ARID4A: variants seen among roughly 807,000 people sequenced by gnomAD.
The protein encoded by ARID4A is AT-rich interactive domain-containing protein 4A.
In ARID4A, 39 loss-of-function variants were observed where a neutral mutation model predicts 148.6. That is an observed-to-expected ratio of 0.26 (90% CI 0.20 to 0.34). The LOEUF is 0.34. Among genes scored for constraint, ARID4A ranks in the 10% least tolerant of loss-of-function variants. ARID4A has a pLI of 1.00. For synonymous variants in ARID4A, 475 were observed against 481.2 expected, an observed-to-expected ratio of 0.99 and a Z score of 0.17; for missense variants, 1,265 against 1,449.1, an observed-to-expected ratio of 0.87 and a Z score of 2.06.
At chr14:58,327,283 G>GCCA (rs2140184969) in intron 8 of ARID4A, among the ~76,000 whole-genome samples, 1 of 152,070 alleles carries the variant, frequency 6.6e-6, no homozygotes, top group African/African-American at 2.4e-5. Flanking sequence ...GAATGGTGCT[G>GCCA]GAATGTAGCA....
chr14:58,350,640 A>G (rs2034594844), intron 15 of ARID4A, among the ~76,000 whole-genome samples: 1 of 152,254 alleles, frequency 6.6e-6, no homozygotes, highest in South Asian at 2.1e-4. Context: ...ATTAGAGACC[A>G]CAGAGCCTTT....
rs532585237 is a variant in ARID4A, at chr14:58,308,027, C to T, written c.274+1915C>T. 2.8e-4 allele frequency among the ~76,000 whole-genome samples: 42 copies of T among 152,016 alleles called. No homozygotes were observed. In the South Asian group the frequency reaches 4.1e-3, roughly 15 times the overall value. On this transcript the variant is annotated intron_variant, in intron 5 of 23. Transcript: ENST00000355431. ...ACTTTGAAGCTTTACTGATAAAATG[C>T]GCATGCTCTATAGAAGGATTACTTT...
chr14:58,368,513 T>G (rs1257579350), intron 23 of ARID4A, among the ~76,000 whole-genome samples: 1 of 149,526 alleles, frequency 6.7e-6, no homozygotes, highest in Non-Finnish European at 1.5e-5. Flanking sequence ...AGCCCCTACA[T>G]AAAGGCAGAA....
chr14:58,337,267 T>TATATATATATATATATATATAA, intron 11 of ARID4A, among the ~76,000 whole-genome samples: 1 of 137,746 alleles, frequency 7.3e-6, no homozygotes, highest in South Asian at 2.3e-4. Flanking sequence ...TATATATATA[T>TATATATATATATATATATATAA]AATTAAAACC....
In ARID4A at chr14:58,373,694, C is replaced by T. The variant is rs1167018860; in HGVS notation, c.*1705C>T. On this transcript the variant is annotated 3_prime_UTR_variant, in exon 24 of 24. Transcript: ENST00000355431. The stretch of plus-strand genomic sequence containing the variant: ...ATCTCAATGTAAAATAAAAATGGAG[C>T]TCAGTGGGCAGTATTAATAAAGGCC... 1 of 173,796 alleles carries T rather than the reference C, an allele frequency of 5.8e-6. No individual in the cohort carries two copies. 10.8% of individuals were successfully genotyped at this position (173,796 alleles called of 1,614,324 possible).
intron 11 of ARID4A, among the ~76,000 whole-genome samples, chr14:58,341,437 C>G (rs2034114558): frequency 6.6e-6 from 1 of 152,238 alleles, no homozygotes; most frequent in South Asian, 2.1e-4. Flanking sequence ...CTGCCTAATA[C>G]TACCACTGCC....
At chr14:58,317,543 G>A (rs1417151186) in intron 5 of ARID4A, among the ~76,000 whole-genome samples, 1 of 149,156 alleles carries the variant, frequency 6.7e-6, no homozygotes, top group Non-Finnish European at 1.5e-5. Context: ...CGCCCACCTC[G>A]CCTCCCAAAG....
Position 58,346,440 on chromosome 14 carries a change from G to T in ARID4A, c.1009G>T (p.Gly337Cys). ...GTPINKPPVL[G>C]YKDLNLFKLF... is the part of the protein sequence containing the mutation. ...TCCAATCAACAAACCACCTGTTTTG[G>T]GCTATAAAGATCTCAATCTCTTCAA... The change falls in exon 13 of 24, where the codon GGC becomes TGC. Residue 337 changes from glycine to cysteine, a missense_variant. Coordinates refer to ENST00000355431, the MANE Select transcript of ARID4A (RefSeq NM_002892.4). The T allele has an allele frequency of 6.2e-7, 1 of 1,608,438 alleles. No individual in the cohort carries two copies. Among genetic ancestry groups the T allele is most frequent in the Non-Finnish European group, 8.5e-7 (1 of 1,176,898 alleles).
chr14:58,318,828 T>G lies in ARID4A; in HGVS notation c.449+23T>G, dbSNP rs367862030. The G allele has an allele frequency of 3.5e-4, 549 of 1,554,182 alleles. 1 individual carries two copies. The highest frequency in any genetic ancestry group is 4.3e-4 in the Non-Finnish European group (480 of 1,127,994). On this transcript the variant is annotated intron_variant, in intron 7 of 23. Coordinates refer to ENST00000355431, the MANE Select transcript of ARID4A (RefSeq NM_002892.4). ...TGTGTGAGTTTTTTCATATATGGTA[T>G]CATTTTAATTACAATTATTATAACC...
rs1340980182 is a variant in ARID4A at position 58,365,223 on chromosome 14, C to T, written c.3134C>T (p.Ser1045Leu). The T allele has an allele frequency of 8.1e-6, 13 of 1,613,968 alleles. No homozygotes were observed. The highest frequency in any genetic ancestry group is 3.3e-5 in the Admixed American group (2 of 60,006). The stretch of plus-strand genomic sequence containing the variant: ...CAAGAAGGTCTCTGTGAGAGGGAAT[C>T]GGCAAATGGATTTGAAACTAATGTT... ...ESQEGLCERESANGFETNVAS... is the reference protein window; with the variant it reads ...ESQEGLCERELANGFETNVAS... The change falls in exon 20 of 24, where the codon TCG becomes TTG. Residue 1045 changes from serine (S) to leucine (L), a missense_variant. By Grantham distance (145) the Ser-to-Leu change is moderately radical. Around this residue, in one of 9 missense-constraint regions of ARID4A, gnomAD observed 666 missense variants for 730.9 expected, o/e 0.91. Coordinates refer to ENST00000355431, the MANE Select transcript of ARID4A (RefSeq NM_002892.4).
chr14:58,361,269 C>T (rs1566721181), intron 19 of ARID4A, among the ~76,000 whole-genome samples: 1 of 151,386 alleles, frequency 6.6e-6, no homozygotes, highest in East Asian at 1.9e-4. Context: ...ATTGCATATA[C>T]ATAATGAGAT....
At chr14:58,321,630 G>A (rs1404610465) in intron 7 of ARID4A, among the ~76,000 whole-genome samples, 1 of 152,092 alleles carries the variant, frequency 6.6e-6, no homozygotes, top group Non-Finnish European at 1.5e-5. Context: ...CCTGGTATTA[G>A]ATATGTACTC....
chr14:58,338,739 G>A (rs2033955549), intron 11 of ARID4A, among the ~76,000 whole-genome samples: 1 of 151,846 alleles, frequency 6.6e-6, no homozygotes, highest in South Asian at 2.1e-4. Flanking sequence ...AGTATTTAGT[G>A]TTATAAATCA....
chr14:58,329,974 C>T (rs1479220747), intron 10 of ARID4A, 29 bp from the exon 11 acceptor site: 1 of 1,580,950 alleles, frequency 6.3e-7, no homozygotes, highest in Admixed American at 2.0e-5. Flanking sequence ...AATTCCATAG[C>T]AACTGCTGAA....
intron 15 of ARID4A, 46 bp downstream of exon 15, chr14:58,347,924 A>T (rs868649127): frequency 3.7e-6 from 5 of 1,337,260 alleles, no homozygotes; most frequent in Non-Finnish European, 5.1e-6. Flanking sequence ...ATTATTTAAA[A>T]TTTTTTATTA....
At chr14:58,327,365 A>G (rs987880034) in intron 8 of ARID4A, among the ~76,000 whole-genome samples, 2 of 152,216 alleles carry the variant, frequency 1.3e-5, no homozygotes, top group Admixed American at 6.5e-5. Flanking sequence ...AAAGTTCTAT[A>G]AAGGATACAG....
chr14:58,300,744 C>T (rs1293051996), intron 2 of ARID4A, among the ~76,000 whole-genome samples: 2 of 150,806 alleles, frequency 1.3e-5, no homozygotes, highest in African/African-American at 2.4e-5. Context: ...CCAAAGTGTA[C>T]ACTGTTAACT....
intron 15 of ARID4A, among the ~76,000 whole-genome samples, chr14:58,348,388 A>T (rs2034475667): frequency 6.6e-6 from 1 of 152,258 alleles, no homozygotes; most frequent in Non-Finnish European, 1.5e-5. Flanking sequence ...CACATAATAA[A>T]GGCTTATTAA....
At chr14:58,359,780 A>C (rs1285486050) in intron 18 of ARID4A, among the ~76,000 whole-genome samples, 2 of 152,184 alleles carry the variant, frequency 1.3e-5, no homozygotes, top group Non-Finnish European at 2.9e-5. Flanking sequence ...TGTAATAATC[A>C]TCTTGGCCGG....
Sources: gnomAD v4.1 joint callset for allele counts (sites outside exome capture counted in the v4.1 genomes callset) on GRCh38, gnomAD v4.1.1 for gene constraint, gnomAD v4.1.1 regional missense constraint, MANE v1.5 for transcripts, NCBI Gene and HGNC (gene_info 2026-07-23, HGNC 2026-07-21) for gene names.